The following PCDHGA12 variants were observed in gnomAD, a reference collection of about 807,000 sequenced individuals.
The protein encoded by PCDHGA12 is protocadherin gamma subfamily A, 12.
In PCDHGA12, 43 loss-of-function variants were observed where a neutral mutation model predicts 61.1. That is an observed-to-expected ratio of 0.70 (90% CI 0.55 to 0.91). The LOEUF is 0.91. Ranked by LOEUF, PCDHGA12 falls within the 40% of genes least tolerant of loss-of-function variation. The pLI is 0.00. For synonymous variants in PCDHGA12, 520 were observed against 542.9 expected, an observed-to-expected ratio of 0.96 and a Z score of 0.59; for missense variants, 1,236 against 1,227.7, an observed-to-expected ratio of 1.01 and a Z score of -0.10.
At chr5:141,473,853 C>T (rs2099329853) in intron 1 of PCDHGA12, among the ~76,000 whole-genome samples, 1 of 152,128 alleles carries the variant, frequency 6.6e-6, no homozygotes, top group Non-Finnish European at 1.5e-5. Flanking sequence ...GGAAGATGAA[C>T]CTCGCTATTG....
At chr5:141,484,176 A>G (rs1044076131) in intron 1 of PCDHGA12, among the ~76,000 whole-genome samples, 1 of 152,236 alleles carries the variant, frequency 6.6e-6, no homozygotes, top group East Asian at 1.9e-4. Context: ...GCTGATCTCA[A>G]TCATTCAAGG....
At chr5:141,439,445 G>A (rs1030957687) in intron 1 of PCDHGA12, among the ~76,000 whole-genome samples, 5 of 152,102 alleles carry the variant, frequency 3.3e-5, no homozygotes, top group African/African-American at 4.8e-5. Flanking sequence ...ATTTTATTGC[G>A]GGAGCAAGAC....
At chr5:141,474,807 A>C (rs945920397) in intron 1 of PCDHGA12, among the ~76,000 whole-genome samples, 8 of 152,364 alleles carry the variant, frequency 5.3e-5, no homozygotes, top group Admixed American at 1.3e-4. Context: ...AGTGGTTTGC[A>C]TCATTAATTG....
Position 141,491,657 on chromosome 5 carries a change from A to T in PCDHGA12, c.2425-3150A>T. 1.2e-6 allele frequency: 2 copies of T among 1,613,740 alleles called. No homozygotes were observed. Among genetic ancestry groups the T allele is most frequent in the Non-Finnish European group, 1.7e-6 (2 of 1,180,006 alleles). On this transcript the variant is annotated intron_variant, in intron 1 of 3. Transcript: ENST00000252085. The surrounding 1 kb of genome is among the most constrained non-coding windows in gnomAD (Gnocchi z 6.9). ...CCCACAGCTCTGGCGCTGGAGCCTG[A>T]CGCCATCCGGTCCCGCTCTAATACG...
intron 1 of PCDHGA12, among the ~76,000 whole-genome samples, chr5:141,434,742 G>A (rs1177333213): frequency 6.6e-6 from 1 of 151,500 alleles, no homozygotes; most frequent in Non-Finnish European, 1.5e-5. Context: ...TGAAGGCTAT[G>A]AGACCCCTGA....
chr5:141,483,648 T>TTG (rs111458813), intron 1 of PCDHGA12, among the ~76,000 whole-genome samples: 1,883 of 149,700 alleles, frequency 0.013, 19 homozygotes, highest in African/African-American at 0.023. Flanking sequence ...GGGTGTGTGT[T>TTG]TGTGTGTGTG....
intron 1 of PCDHGA12, among the ~76,000 whole-genome samples, chr5:141,436,720 A>G (rs1337926057): frequency 1.5e-4 from 23 of 152,216 alleles, no homozygotes; most frequent in Non-Finnish European, 3.4e-4. Context: ...TCTGTTGGGA[A>G]AAATAATAAT....
Position 141,486,446 on chromosome 5 carries a change from G to T in PCDHGA12, c.2425-8361G>T. ...GGCCAAATCTAGCTATGACATCATGGTCACTGCTTCTGATGCTGGGAACCC... is the reference window on the plus strand; with the variant it reads ...GGCCAAATCTAGCTATGACATCATGTTCACTGCTTCTGATGCTGGGAACCC... On this transcript the variant is annotated intron_variant, in intron 1 of 3. Coordinates refer to ENST00000252085, the MANE Select transcript of PCDHGA12 (RefSeq NM_003735.3). The surrounding 1 kb of genome is among the most constrained non-coding windows in gnomAD (Gnocchi z 5.0). 2 of 1,614,126 alleles carry T rather than the reference G, an allele frequency of 1.2e-6. No individual in the cohort carries two copies. Among genetic ancestry groups the T allele is most frequent in the Non-Finnish European group, 1.7e-6 (2 of 1,180,004 alleles).
chr5:141,491,857 G>A lies in PCDHGA12; in HGVS notation c.2425-2950G>A. Reference sequence around the variant, plus strand: ...CTCGGGATCATTGGACCGTTTGCGCGAAACCAGAGTGGCCGATTAAGGGAT... The same window carrying A: ...CTCGGGATCATTGGACCGTTTGCGCAAAACCAGAGTGGCCGATTAAGGGAT... On this transcript the variant is annotated intron_variant, in intron 1 of 3. Transcript: ENST00000252085. This position sits in a 1 kb window ranked among gnomAD's most constrained non-coding sequence, Gnocchi z 6.9. The A allele has an allele frequency of 6.9e-7, 1 of 1,457,470 alleles. No homozygotes were observed. The highest frequency in any genetic ancestry group is 1.5e-5 in the South Asian group (1 of 68,508). The allele number at this position is 1,457,470 out of a possible 1,614,324, so 90.3% of individuals were successfully genotyped here. A position where few individuals can be genotyped will look rare whatever the true frequency, so the allele number is the denominator to read the frequency against.
Position 141,477,388 on chromosome 5 carries a change from C to T in PCDHGA12, c.2425-17419C>T. The T allele has an allele frequency of 6.2e-7, 1 of 1,614,136 alleles. No homozygotes were observed. The highest frequency in any genetic ancestry group is 8.5e-7 in the Non-Finnish European group (1 of 1,180,014). On this transcript the variant is annotated intron_variant, in intron 1 of 3. Transcript: ENST00000252085. The surrounding 1 kb of genome is among the most constrained non-coding windows in gnomAD (Gnocchi z 4.9). Reference sequence around the variant, plus strand: ...ATCGGGAGACTGTGCCAGAATACAACCTCAGCATCACCGCCCGAGACGCCG... The same window carrying T: ...ATCGGGAGACTGTGCCAGAATACAATCTCAGCATCACCGCCCGAGACGCCG...
Position 141,485,605 on chromosome 5 carries a change from G to A in PCDHGA12, c.2425-9202G>A. On this transcript the variant is annotated intron_variant, in intron 1 of 3. Transcript: ENST00000252085. This position sits in a 1 kb window ranked among gnomAD's most constrained non-coding sequence, Gnocchi z 5.7. The stretch of plus-strand genomic sequence containing the variant: ...AGCAGCTGGACTTGGAAATTGGGGA[G>A]GCAGCTCCTCCAGGACAGCGTTTCC... 6.2e-7 allele frequency: 1 copy of A among 1,612,448 alleles called. No homozygotes were observed. Among genetic ancestry groups the A allele is most frequent in the Non-Finnish European group, 8.5e-7 (1 of 1,178,750 alleles).
intron 1 of PCDHGA12, among the ~76,000 whole-genome samples, chr5:141,435,383 G>A (rs1057246190): frequency 6.6e-6 from 1 of 152,016 alleles, no homozygotes; most frequent in South Asian, 2.1e-4. Flanking sequence ...ACAATATACC[G>A]TATTGCCATG....
At position 141,486,923 on chromosome 5, in the gene PCDHGA12, G is replaced by A. The variant is rs1377159895; in HGVS notation, c.2425-7884G>A. ...ATGTCCCCAAGCACTGCCTCCATCAGTTGGTGCTGGCCACCTAATCACAAA... is the reference window on the plus strand; with the variant it reads ...ATGTCCCCAAGCACTGCCTCCATCAATTGGTGCTGGCCACCTAATCACAAA... On this transcript the variant is annotated intron_variant, in intron 1 of 3. Transcript: ENST00000252085. This position sits in a 1 kb window ranked among gnomAD's most constrained non-coding sequence, Gnocchi z 5.0. 6.2e-7 allele frequency: 1 copy of A among 1,614,252 alleles called. No individual in the cohort carries two copies. Among genetic ancestry groups the A allele is most frequent in the Admixed American group, 1.7e-5 (1 of 60,028 alleles).
chr5:141,436,487 A>G (rs2097826897), intron 1 of PCDHGA12, among the ~76,000 whole-genome samples: 2 of 152,196 alleles, frequency 1.3e-5, no homozygotes, highest in Non-Finnish European at 2.9e-5. Context: ...GAAGGATAGC[A>G]GCTTTGCAAT....
rs2099691833 is a variant in PCDHGA12, at chr5:141,489,761, C to A, written c.2425-5046C>A. 8.1e-6 allele frequency: 13 copies of A among 1,614,102 alleles called. No individual in the cohort carries two copies. The highest frequency in any genetic ancestry group is 1.1e-5 in the Non-Finnish European group (13 of 1,179,962). ...ACTGTGAGCTTTTACACTCTAAGCCCCAACAGCCACTTCTCTCTGAATGTG... is the reference window on the plus strand; with the variant it reads ...ACTGTGAGCTTTTACACTCTAAGCCACAACAGCCACTTCTCTCTGAATGTG... On this transcript the variant is annotated intron_variant, in intron 1 of 3. Coordinates refer to ENST00000252085, the MANE Select transcript of PCDHGA12 (RefSeq NM_003735.3). The surrounding 1 kb of genome is among the most constrained non-coding windows in gnomAD (Gnocchi z 4.5).
At position 141,486,931 on chromosome 5, in the gene PCDHGA12, T is replaced by C. The variant is rs201042803; in HGVS notation, c.2425-7876T>C. 2 of 1,614,258 alleles carry C rather than the reference T, an allele frequency of 1.2e-6. No homozygotes were observed. Among genetic ancestry groups the C allele is most frequent in the East Asian group, 2.2e-5 (1 of 44,876 alleles). ...AAGCACTGCCTCCATCAGTTGGTGC[T>C]GGCCACCTAATCACAAAGGTGACTG... On this transcript the variant is annotated intron_variant, in intron 1 of 3. Coordinates refer to ENST00000252085, the MANE Select transcript of PCDHGA12 (RefSeq NM_003735.3). This position sits in a 1 kb window ranked among gnomAD's most constrained non-coding sequence, Gnocchi z 5.0.
At chr5:141,444,670 C>G (rs1174911888) in intron 1 of PCDHGA12, among the ~76,000 whole-genome samples, 1 of 152,052 alleles carries the variant, frequency 6.6e-6, no homozygotes, top group African/African-American at 2.4e-5. Context: ...CCATTTTTTT[C>G]AATACCATTT....
chr5:141,430,987 C>T lies in PCDHGA12; in HGVS notation c.228C>T (p.Ala76=), dbSNP rs1171599563. 2 of 1,613,690 alleles carry T rather than the reference C, an allele frequency of 1.2e-6. No homozygotes were observed. The highest frequency in any genetic ancestry group is 2.7e-5 in the African/African-American group (2 of 74,908). ...IIPRGRTQLF[A]LNPRSGSLVT... is the part of the protein sequence containing the mutation. ...CCAGAGGTAGGACGCAGCTTTTCGC[C>T]CTGAATCCGCGCAGCGGCAGCTTGG... The change falls in exon 1 of 4, where the codon GCC becomes GCT. Residue 76 remains alanine, a synonymous_variant. Coordinates refer to ENST00000252085, the MANE Select transcript of PCDHGA12 (RefSeq NM_003735.3).
rs775104626 is a variant in PCDHGA12, at chr5:141,486,636, C to T, written c.2425-8171C>T. On this transcript the variant is annotated intron_variant, in intron 1 of 3. Transcript: ENST00000252085. This position sits in a 1 kb window ranked among gnomAD's most constrained non-coding sequence, Gnocchi z 5.0. ...TCTGACCCAGACTCTGGCTTGAATG[C>T]GCTTATCTCCTACTCACTCCTGGAG... 7 of 1,613,540 alleles carry T rather than the reference C, an allele frequency of 4.3e-6. No individual in the cohort carries two copies. The highest frequency in any genetic ancestry group is 1.3e-5 in the African/African-American group (1 of 74,926).
Sources: allele counts gnomAD v4.1 joint callset (sites outside exome capture counted in the v4.1 genomes callset), GRCh38; gene constraint gnomAD v4.1.1; non-coding constraint Gnocchi (gnomAD v3.1); transcripts MANE v1.5; gene names NCBI Gene and HGNC (gene_info 2026-07-23, HGNC 2026-07-21).